CSMD1: variants seen among roughly 807,000 people sequenced by gnomAD.
CSMD1 encodes the protein CUB and Sushi multiple domains 1.
Under a neutral mutation model 417.5 loss-of-function variants are expected in CSMD1, and 213 were observed. The observed-to-expected ratio is 0.51, with a 90% CI of 0.46 to 0.57. The LOEUF (loss-of-function observed/expected upper bound fraction) is 0.57, where lower values mean the gene tolerates loss of function less well. Among genes scored for constraint, CSMD1 ranks in the 20% least tolerant of loss-of-function variants. The pLI is 0.00. For missense variants in CSMD1, 6,923 were observed against 4,529.7 expected, an observed-to-expected ratio of 1.53 and a Z score of -15.17; for synonymous variants, 2,862 against 1,736.8, an observed-to-expected ratio of 1.65 and a Z score of -16.11.
chr8:3,886,171 T>A (rs1806550150), intron 5 of CSMD1, among the ~76,000 whole-genome samples: 1 of 152,084 alleles, frequency 6.6e-6, no homozygotes. Flanking sequence ...TACCTCAGCC[T>A]CTTGAGTAGG....
At chr8:4,797,237 T>C (rs964458363) in intron 1 of CSMD1, among the ~76,000 whole-genome samples, 1 of 152,176 alleles carries the variant, frequency 6.6e-6, no homozygotes, top group African/African-American at 2.4e-5. Flanking sequence ...AGATGAGGTT[T>C]CATCCTTTAC....
intron 3 of CSMD1, among the ~76,000 whole-genome samples, chr8:4,257,966 C>G (rs1460855673): frequency 2.6e-5 from 4 of 152,110 alleles, no homozygotes; most frequent in African/African-American, 9.7e-5. Context: ...TTTGTCTGCT[C>G]AAGCTGCCAT....
chr8:4,038,638 C>T (rs1295231826), intron 3 of CSMD1, among the ~76,000 whole-genome samples: 1 of 152,232 alleles, frequency 6.6e-6, no homozygotes, highest in African/African-American at 2.4e-5. Context: ...TTGACATAAA[C>T]TCTACTTTTA....
At chr8:4,408,342 C>G (rs1435497052) in intron 3 of CSMD1, among the ~76,000 whole-genome samples, 1 of 152,178 alleles carries the variant, frequency 6.6e-6, no homozygotes, top group Non-Finnish European at 1.5e-5. Flanking sequence ...AACTGGGAAG[C>G]TGTCTGGAAA....
intron 3 of CSMD1, among the ~76,000 whole-genome samples, chr8:4,294,189 C>G (rs1158218055): frequency 6.6e-6 from 1 of 152,136 alleles, no homozygotes; most frequent in Non-Finnish European, 1.5e-5. Flanking sequence ...GCAACTACAC[C>G]CCAATTTCAG....
At chr8:4,801,413 T>C (rs1798276384) in intron 1 of CSMD1, among the ~76,000 whole-genome samples, 1 of 151,906 alleles carries the variant, frequency 6.6e-6, no homozygotes, top group Non-Finnish European at 1.5e-5. Context: ...CCGTGGGTTC[T>C]ATTTCGGCCA....
intron 9 of CSMD1, among the ~76,000 whole-genome samples, chr8:3,578,092 G>T (rs994434464): frequency 1.3e-5 from 2 of 152,164 alleles, no homozygotes; most frequent in Admixed American, 6.5e-5. Flanking sequence ...GGAGAGAGAA[G>T]AGCCAACATA....
At chr8:3,248,170 CAG>C (rs1800006002) in intron 26 of CSMD1, among the ~76,000 whole-genome samples, 1 of 152,046 alleles carries the variant, frequency 6.6e-6, no homozygotes, top group African/African-American at 2.4e-5. Context: ...GTGTGACAAA[CAG>C]AAATTAAAGA....
At chr8:4,174,065 C>T (rs1385214135) in intron 3 of CSMD1, among the ~76,000 whole-genome samples, 2 of 152,130 alleles carry the variant, frequency 1.3e-5, no homozygotes, top group Non-Finnish European at 2.9e-5. Flanking sequence ...GGGCCACCTG[C>T]CTGCTTATGA....
intron 5 of CSMD1, among the ~76,000 whole-genome samples, chr8:3,841,899 C>G (rs547836837): frequency 6.6e-6 from 1 of 152,064 alleles, no homozygotes; most frequent in South Asian, 2.1e-4. Context: ...CACGGCAAAG[C>G]CTTTCCCATG....
chr8:3,605,978 G>A (rs1301030031), intron 8 of CSMD1, among the ~76,000 whole-genome samples: 2 of 152,176 alleles, frequency 1.3e-5, no homozygotes, highest in Non-Finnish European at 2.9e-5. Flanking sequence ...TCTGCCTTGT[G>A]TGGGGTCCGG....
intron 3 of CSMD1, among the ~76,000 whole-genome samples, chr8:4,232,421 A>C (rs1388231461): frequency 6.6e-6 from 1 of 151,554 alleles, no homozygotes; most frequent in Admixed American, 6.6e-5. Context: ...TTGGTCTTGA[A>C]CTCCTGACCT....
chr8:4,802,755 A>C (rs995880922), intron 1 of CSMD1, among the ~76,000 whole-genome samples: 2 of 152,148 alleles, frequency 1.3e-5, no homozygotes, highest in Non-Finnish European at 2.9e-5. Context: ...ACAATCATTT[A>C]TTGTTATACT....
At chr8:4,764,033 G>T (rs1324412131) in intron 1 of CSMD1, among the ~76,000 whole-genome samples, 1 of 152,166 alleles carries the variant, frequency 6.6e-6, no homozygotes, top group African/African-American at 2.4e-5. Flanking sequence ...GCAGCTGCTA[G>T]ATGCCCATGA....
intron 3 of CSMD1, among the ~76,000 whole-genome samples, chr8:4,309,769 G>T (rs971042382): frequency 6.6e-6 from 1 of 151,992 alleles, no homozygotes; most frequent in South Asian, 2.1e-4. Flanking sequence ...CGTTTTACTA[G>T]ATCAATGAAG....
chr8:2,968,669 T>C (rs1002363353), intron 57 of CSMD1, among the ~76,000 whole-genome samples: 26 of 152,264 alleles, frequency 1.7e-4, no homozygotes, highest in Admixed American at 3.3e-4. Context: ...ATATCCGCTT[T>C]TCTATCAATG....
At chr8:4,320,031 A>C (rs946598263) in intron 3 of CSMD1, among the ~76,000 whole-genome samples, 5 of 152,204 alleles carry the variant, frequency 3.3e-5, no homozygotes, top group African/African-American at 1.2e-4. Context: ...CCACCTCAAC[A>C]ATGAAAAAAA....
chr8:3,158,853 T>C (rs1363146687), intron 38 of CSMD1, among the ~76,000 whole-genome samples: 1 of 152,078 alleles, frequency 6.6e-6, no homozygotes, highest in Non-Finnish European at 1.5e-5. Flanking sequence ...TGAAAAACAA[T>C]ATCTAATGTA....
chr8:2,977,435 T>C lies in CSMD1; in HGVS notation c.8566+1177A>G, dbSNP rs150407535. On this transcript the variant is annotated intron_variant, in intron 55 of 69. Transcript: ENST00000635120. ...TGTCTCTGCAAAGGACATAATCTCA[T>C]TCTTTTTTATGGCTGCATCACGTTC... Among the ~76,000 whole-genome samples the C allele has an allele frequency of 8.1e-3, 1,240 of 152,352 alleles. 17 individuals are homozygous for C. Among genetic ancestry groups the C allele is most frequent in the African/African-American group, 0.027 (1,115 of 41,580 alleles).
Sources: allele counts gnomAD v4.1 joint callset (sites outside exome capture counted in the v4.1 genomes callset), GRCh38; gene constraint gnomAD v4.1.1; transcripts MANE v1.5; gene names NCBI Gene and HGNC (gene_info 2026-07-23, HGNC 2026-07-21).